Variants in CCDC152 observed in about 807,000 individuals in gnomAD.
CCDC152 encodes the protein coiled-coil domain-containing protein 152.
A neutral mutation model predicts 38.1 loss-of-function variants in CCDC152; 37 were observed. The observed-to-expected ratio is 0.97, with a 90% confidence interval of 0.75 to 1.28. The LOEUF (loss-of-function observed/expected upper bound fraction) is 1.28. CCDC152 is among the 50% of genes most tolerant of loss of function. CCDC152 has a pLI of 0.00. For synonymous variants in CCDC152, 83 were observed against 87.1 expected (o/e 0.95, Z 0.26); for missense variants, 259 against 292.1 (o/e 0.89, Z 0.83).
chr5:42,783,342 A>G (rs1322130899), intron 5 of CCDC152, 132 bp from the exon 6 acceptor site: 1 of 289,642 alleles, frequency 3.5e-6, no homozygotes, highest in Non-Finnish European at 5.7e-6. Flanking sequence ...TAACTTTTAA[A>G]AAAGTAACAT....
chr5:42,799,423 G>A lies in CCDC152; in HGVS notation c.607G>A (p.Asp203Asn), dbSNP rs1458079849. The A allele has an allele frequency of 6.5e-7, 1 of 1,546,080 alleles. No homozygotes were observed. Among genetic ancestry groups the A allele is most frequent in the African/African-American group, 1.4e-5 (1 of 72,864 alleles). Residue 203 changes from aspartate (D) to asparagine (N), a missense_variant, in exon 8 of 9, where the codon GAT (aspartate) becomes AAT (asparagine). By Grantham distance (23) the Asp-to-Asn change is conservative. Transcript: ENST00000361970. ...TCAGACTAAATCAAAATCATATCAG[G>A]ATTCTACTGTTTTGCCACAAAGTAT... is the stretch of plus-strand genomic sequence containing the variant. The part of the protein sequence containing the change: ...RVQTKSKSYQ[D>N]STVLPQSIYR...
chr5:42,770,075 T>C (rs1759676508), intron 4 of CCDC152, among the ~76,000 whole-genome samples: 1 of 152,212 alleles, frequency 6.6e-6, no homozygotes, highest in South Asian at 2.1e-4. Context: ...TAAGACTATA[T>C]TTGTGCAAGT....
At chr5:42,766,952 G>T (rs567692156) in intron 3 of CCDC152, among the ~76,000 whole-genome samples, 1 of 152,160 alleles carries the variant, frequency 6.6e-6, no homozygotes, top group South Asian at 2.1e-4. Context: ...TGCTTGAGGG[G>T]ATAGATACGC....
Position 42,802,306 on chromosome 5 carries a change from T to C in CCDC152, c.*2525T>C, listed in dbSNP as rs1041458933. 3 of 152,166 alleles carry C rather than the reference T, an allele frequency of 2.0e-5. No homozygotes were observed. The highest frequency in any genetic ancestry group is 7.2e-5 in the African/African-American group (3 of 41,436). 9.4% of individuals were successfully genotyped at this position (152,166 alleles called of 1,614,324 possible). On this transcript the variant is annotated 3_prime_UTR_variant, in exon 9 of 9. Transcript: ENST00000361970. ...ATAGATACAGAAATGTAACAGTAAA[T>C]CTCAACCTAAGGCTAATTTGCAAAT...
chr5:42,758,269 C>G (rs778032834), intron 1 of CCDC152, among the ~76,000 whole-genome samples: 6 of 152,142 alleles, frequency 3.9e-5, no homozygotes, highest in Non-Finnish European at 8.8e-5. Flanking sequence ...TTTTGGTTAA[C>G]TTCCTTTTAA....
chr5:42,777,719 T>C (rs1759787195), intron 4 of CCDC152, among the ~76,000 whole-genome samples: 1 of 152,228 alleles, frequency 6.6e-6, no homozygotes, highest in East Asian at 1.9e-4. Context: ...TTTTAATACT[T>C]TGATATAATG....
rs28919916 is a variant in CCDC152 at position 42,802,208 on chromosome 5, A to G, written c.*2427A>G. 0.26 allele frequency: 39,457 copies of G among 152,118 alleles called. 5,708 individuals are homozygous for G. Among genetic ancestry groups the G allele is most frequent in the Admixed American group, 0.38 (5,801 of 15,284 alleles). The allele number at this position is 152,118 out of a possible 1,614,324, so 9.4% of individuals were successfully genotyped here. Reference sequence around the variant, plus strand: ...CCATTGACCATAATATCCATTCCGCATGATCCTAGTTCTTTAATTTACTGG... The same window carrying G: ...CCATTGACCATAATATCCATTCCGCGTGATCCTAGTTCTTTAATTTACTGG... On this transcript the variant is annotated 3_prime_UTR_variant, in exon 9 of 9. Transcript: ENST00000361970.
In CCDC152 at chr5:42,800,049, A is replaced by T. The variant is rs1200634508; in HGVS notation, c.*268A>T. 8.8e-6 allele frequency: 3 copies of T among 341,980 alleles called. No individual in the cohort carries two copies. Among genetic ancestry groups the T allele is most frequent in the African/African-American group, 2.1e-5 (1 of 46,556 alleles). The allele number at this position is 341,980 out of a possible 1,614,324, so 21.2% of individuals were successfully genotyped here. On this transcript the variant is annotated 3_prime_UTR_variant, in exon 9 of 9. Transcript: ENST00000361970. The stretch of plus-strand genomic sequence containing the variant: ...GAAATACTTACTAAGCAATATAGAG[A>T]CAGACAATATTATCTTTCCCCTTAT...
At chr5:42,790,640 C>G (rs937083272) in intron 6 of CCDC152, among the ~76,000 whole-genome samples, 1 of 152,154 alleles carries the variant, frequency 6.6e-6, no homozygotes, top group African/African-American at 2.4e-5. Flanking sequence ...GTCTGTAATA[C>G]AGGTTTAACC....
chr5:42,781,171 T>C (rs1759839369), intron 5 of CCDC152, among the ~76,000 whole-genome samples: 1 of 152,212 alleles, frequency 6.6e-6, no homozygotes, highest in Admixed American at 6.5e-5. Flanking sequence ...TTGTGGTTTC[T>C]CAGAGCAGCA....
intron 6 of CCDC152, among the ~76,000 whole-genome samples, chr5:42,792,242 A>C (rs1447930730): frequency 6.6e-6 from 1 of 152,170 alleles, no homozygotes; most frequent in African/African-American, 2.4e-5. Flanking sequence ...ACATCTCTGG[A>C]GTTCTTCAAA....
intron 3 of CCDC152, among the ~76,000 whole-genome samples, chr5:42,765,102 C>G (rs1331123054): frequency 1.3e-5 from 2 of 152,156 alleles, no homozygotes; most frequent in Non-Finnish European, 2.9e-5. Context: ...ATACAAAACT[C>G]TGTAACATTT....
chr5:42,786,882 G>GT (rs948913384), intron 6 of CCDC152, among the ~76,000 whole-genome samples: 92 of 151,330 alleles, frequency 6.1e-4, no homozygotes, highest in African/African-American at 1.7e-3. Flanking sequence ...TTTCATTTCT[G>GT]TTTTTTTTGT....
At chr5:42,795,416 T>C (rs1579723311) in intron 6 of CCDC152, among the ~76,000 whole-genome samples, 1 of 152,234 alleles carries the variant, frequency 6.6e-6, no homozygotes, top group Non-Finnish European at 1.5e-5. Context: ...GACAGACAAA[T>C]CCACAATCAT....
At chr5:42,774,589 G>A (rs1759746755) in intron 4 of CCDC152, among the ~76,000 whole-genome samples, 1 of 152,148 alleles carries the variant, frequency 6.6e-6, no homozygotes, top group South Asian at 2.1e-4. Flanking sequence ...CCAAAGGGGA[G>A]AGGGACTAAG....
At chr5:42,787,013 C>T (rs78719079) in intron 6 of CCDC152, among the ~76,000 whole-genome samples, 39,372 of 151,604 alleles carry the variant, frequency 0.26, 5,706 homozygotes, top group Admixed American at 0.38. Context: ...TCCACATATA[C>T]GTTTGATATA....
intron 7 of CCDC152, among the ~76,000 whole-genome samples, chr5:42,798,508 G>A (rs1760110929): frequency 6.6e-6 from 1 of 152,168 alleles, no homozygotes; most frequent in Non-Finnish European, 1.5e-5. Context: ...CACAGGAAAG[G>A]CTGAATGGCC....
At chr5:42,798,436 T>C (rs1471985493) in intron 7 of CCDC152, among the ~76,000 whole-genome samples, 1 of 152,212 alleles carries the variant, frequency 6.6e-6, no homozygotes, top group Non-Finnish European at 1.5e-5. Flanking sequence ...ATGTTGACTT[T>C]AGATACCCTT....
intron 7 of CCDC152, among the ~76,000 whole-genome samples, chr5:42,798,372 C>T (rs1012639879): frequency 1.3e-5 from 2 of 152,112 alleles, no homozygotes; most frequent in African/African-American, 4.8e-5. Context: ...ACTTTGGAAT[C>T]CCCAGGGTAC....
Sources: allele counts gnomAD v4.1 joint callset (sites outside exome capture counted in the v4.1 genomes callset), GRCh38; gene constraint gnomAD v4.1.1; transcripts MANE v1.5; gene names NCBI Gene and HGNC (gene_info 2026-07-23, HGNC 2026-07-21).